The following PDE3A variants were observed in gnomAD, a reference collection of about 807,000 sequenced individuals.
The protein encoded by PDE3A is cGMP-inhibited 3',5'-cyclic phosphodiesterase 3A.
In PDE3A, 43 loss-of-function variants were observed where a neutral mutation model predicts 98.3. That is an observed-to-expected ratio of 0.44 (90% CI 0.34 to 0.56). PDE3A has a LOEUF of 0.56. PDE3A is among the 20% of genes least tolerant of loss of function. PDE3A has a pLI of 0.01. For synonymous variants in PDE3A, 663 were observed against 567.9 expected, an observed-to-expected ratio of 1.17 and a Z score of -2.38; for missense variants, 1,427 against 1,440.7, an observed-to-expected ratio of 0.99 and a Z score of 0.15.
In PDE3A at chr12:20,552,659, C is replaced by T. The variant is rs1942245699; in HGVS notation, c.961-4001C>T. On this transcript the variant is annotated intron_variant, in intron 1 of 15. Transcript: ENST00000359062. The surrounding 1 kb of genome is among the most constrained non-coding windows in gnomAD (Gnocchi z 5.1). ...ACCAAGGTGGAGCCCTACAGTCTCA[C>T]GGCCCAGCAGAGCAGCCTCATCAGA... 9.3e-6 allele frequency: 15 copies of T among 1,613,868 alleles called. No individual in the cohort carries two copies. The highest frequency in any genetic ancestry group is 1.3e-5 in the Non-Finnish European group (15 of 1,179,812).
chr12:20,620,511 C>T (rs1378810554), intron 4 of PDE3A, among the ~76,000 whole-genome samples: 1 of 152,038 alleles, frequency 6.6e-6, no homozygotes, highest in Non-Finnish European at 1.5e-5. Flanking sequence ...GCAACACATG[C>T]AGAGAAATTT....
rs11045388 is a variant in PDE3A, at chr12:20,687,787, A to C, written c.*7516A>C. On this transcript the variant is annotated 3_prime_UTR_variant, in exon 16 of 16. Coordinates refer to ENST00000359062, the MANE Select transcript of PDE3A (RefSeq NM_000921.5). ...ATATTAGGATATGTGACTGAAGGAA[A>C]TTTAATCTGAATTTAGAGTGTTTTA... is the stretch of plus-strand genomic sequence containing the variant. 0.7 allele frequency among the ~76,000 whole-genome samples: 106,268 copies of C among 151,546 alleles called. 37,530 individuals carry two copies. Among genetic ancestry groups the C allele is most frequent in the East Asian group, 0.82 (4,230 of 5,154 alleles).
intron 2 of PDE3A, among the ~76,000 whole-genome samples, chr12:20,589,355 G>A (rs557785813): frequency 6.6e-6 from 1 of 152,278 alleles, no homozygotes; most frequent in South Asian, 2.1e-4. Flanking sequence ...TGCCATGGTT[G>A]CTGTAAATTA....
intron 14 of PDE3A, among the ~76,000 whole-genome samples, chr12:20,651,790 TAA>T: frequency 6.6e-6 from 1 of 152,276 alleles, no homozygotes; most frequent in East Asian, 1.9e-4. Flanking sequence ...TATTATACTT[TAA>T]GTTTTAGGGT....
At chr12:20,379,215 A>G (rs888032422) in intron 1 of PDE3A, among the ~76,000 whole-genome samples, 1 of 152,010 alleles carries the variant, frequency 6.6e-6, no homozygotes, top group South Asian at 2.1e-4. Context: ...ATGTGGAATC[A>G]GCATCCTTAG....
intron 15 of PDE3A, among the ~76,000 whole-genome samples, chr12:20,658,712 C>A (rs1452737706): frequency 2.0e-5 from 3 of 152,148 alleles, no homozygotes; most frequent in African/African-American, 7.2e-5. Context: ...GCTGGCCTAC[C>A]TTTCTTCTTT....
intron 2 of PDE3A, among the ~76,000 whole-genome samples, chr12:20,609,594 A>T (rs1943797548): frequency 6.6e-6 from 1 of 152,056 alleles, no homozygotes; most frequent in Admixed American, 6.6e-5. Flanking sequence ...CAAATAGCCA[A>T]AGCAGTACTG....
At chr12:20,462,500 A>C (rs926608034) in intron 1 of PDE3A, among the ~76,000 whole-genome samples, 1 of 152,104 alleles carries the variant, frequency 6.6e-6, no homozygotes, top group Non-Finnish European at 1.5e-5. Context: ...AAACAACAAC[A>C]ACAAAAATCG....
rs1298266641 is a variant in PDE3A, at chr12:20,683,641, A to AT, written c.*3376dup. On this transcript the variant is annotated 3_prime_UTR_variant, in exon 16 of 16. Coordinates refer to ENST00000359062, the MANE Select transcript of PDE3A (RefSeq NM_000921.5). ...CACTTTTGCTTTTGTTAGCTGTAAT[A>AT]TTTTTTGTCATTTAGATAAGACCTG... 1 of 152,082 alleles carries AT rather than the reference A, an allele frequency of 6.6e-6. No homozygotes were observed. The highest frequency in any genetic ancestry group is 1.5e-5 in the Non-Finnish European group (1 of 67,998). The allele number at this position is 152,082 out of a possible 1,614,324, so 9.4% of individuals were successfully genotyped here. A position where few individuals can be genotyped will look rare whatever the true frequency, so the allele number is the denominator to read the frequency against.
At position 20,682,505 on chromosome 12, in the gene PDE3A, T is replaced by G. The variant is rs980924690; in HGVS notation, c.*2234T>G. The G allele has an allele frequency of 6.6e-6, 1 of 152,178 alleles. No individual in the cohort carries two copies. The highest frequency in any genetic ancestry group is 2.4e-5 in the African/African-American group (1 of 41,454). 9.4% of individuals were successfully genotyped at this position (152,178 alleles called of 1,614,324 possible). On this transcript the variant is annotated 3_prime_UTR_variant, in exon 16 of 16. Transcript: ENST00000359062. ...GTTTCAAGGCAAATTCTCCAATAAG[T>G]TGGAAAATGTAAAAAGGATCAAGTG... is the stretch of plus-strand genomic sequence containing the variant.
intron 1 of PDE3A, among the ~76,000 whole-genome samples, chr12:20,488,545 C>T (rs755399957): frequency 3.3e-5 from 5 of 151,962 alleles, no homozygotes; most frequent in Non-Finnish European, 7.4e-5. Context: ...AGATGCAATT[C>T]GCAGCTGGTG....
At chr12:20,450,798 G>A (rs1470320104) in intron 1 of PDE3A, among the ~76,000 whole-genome samples, 1 of 152,200 alleles carries the variant, frequency 6.6e-6, no homozygotes, top group African/African-American at 2.4e-5. Context: ...AAATGAAGAT[G>A]CATGTCAGAA....
chr12:20,411,615 C>G (rs1385919033), intron 1 of PDE3A, among the ~76,000 whole-genome samples: 1 of 152,028 alleles, frequency 6.6e-6, no homozygotes, highest in South Asian at 2.1e-4. Flanking sequence ...CCTAACAGGT[C>G]TCTGGAGATT....
At chr12:20,597,441 ATCTG>A (rs984762924) in intron 2 of PDE3A, among the ~76,000 whole-genome samples, 2 of 152,190 alleles carry the variant, frequency 1.3e-5, no homozygotes, top group Non-Finnish European at 2.9e-5. Flanking sequence ...TATGTTTGCT[ATCTG>A]TCTTTCACCC....
At chr12:20,458,775 C>A (rs931662986) in intron 1 of PDE3A, among the ~76,000 whole-genome samples, 1 of 152,068 alleles carries the variant, frequency 6.6e-6, no homozygotes, top group African/African-American at 2.4e-5. Flanking sequence ...AGAGCTATTC[C>A]AGTGAAAAGC....
At chr12:20,498,879 G>C (rs934956201) in intron 1 of PDE3A, among the ~76,000 whole-genome samples, 1 of 151,640 alleles carries the variant, frequency 6.6e-6, no homozygotes, top group Non-Finnish European at 1.5e-5. Flanking sequence ...CTGCCCCTCT[G>C]CCTCAGTATG....
chr12:20,642,943 T>C (rs1265595940), intron 10 of PDE3A, among the ~76,000 whole-genome samples: 1 of 152,222 alleles, frequency 6.6e-6, no homozygotes, highest in Non-Finnish European at 1.5e-5. Context: ...AATTTGGATC[T>C]TAAAATCTGT....
At chr12:20,666,493 A>C (rs1311458791) in intron 15 of PDE3A, among the ~76,000 whole-genome samples, 2 of 151,938 alleles carry the variant, frequency 1.3e-5, no homozygotes, top group Admixed American at 1.3e-4. Context: ...CATGAGATCA[A>C]CTTTTCTAGC....
intron 15 of PDE3A, among the ~76,000 whole-genome samples, chr12:20,655,668 G>T (rs1453349620): frequency 6.6e-6 from 1 of 152,210 alleles, no homozygotes; most frequent in Non-Finnish European, 1.5e-5. Flanking sequence ...GGACTCTGTA[G>T]GTCACGGTAA....
Sources: allele counts gnomAD v4.1 joint callset (sites outside exome capture counted in the v4.1 genomes callset), GRCh38; gene constraint gnomAD v4.1.1; non-coding constraint Gnocchi (gnomAD v3.1); transcripts MANE v1.5; gene names NCBI Gene and HGNC (gene_info 2026-07-23, HGNC 2026-07-21).